The following SHISA9 variants were observed in gnomAD, a reference collection of about 807,000 sequenced individuals.
The protein encoded by SHISA9 is protein shisa-9.
A neutral mutation model predicts 38.0 loss-of-function variants in SHISA9; 13 were observed. The observed-to-expected ratio is 0.34, with a 90% CI of 0.22 to 0.54. The LOEUF is 0.54. SHISA9 is among the 20% of genes least tolerant of loss of function. The pLI, the probability that SHISA9 is intolerant of heterozygous loss-of-function variation, is 0.91. For missense variants in SHISA9, 538 were observed against 575.8 expected (o/e 0.93, Z 0.67); for synonymous variants, 275 against 242.0 (o/e 1.14, Z -1.27).
At chr16:12,927,052 C>T (rs964193276) in intron 2 of SHISA9, among the ~76,000 whole-genome samples, 10 of 152,244 alleles carry the variant, frequency 6.6e-5, no homozygotes, top group African/African-American at 2.4e-4. Flanking sequence ...AGTCAGCCTG[C>T]TGTTCCTTTA....
chr16:13,092,123 A>T (rs1327360392), intron 2 of SHISA9, among the ~76,000 whole-genome samples: 2 of 152,180 alleles, frequency 1.3e-5, no homozygotes, highest in Non-Finnish European at 2.9e-5. Flanking sequence ...CCTGGGTATC[A>T]CCACCAGAGG....
chr16:13,311,331 G>A, the SHISA9 span, among the ~76,000 whole-genome samples: 1 of 151,736 alleles, frequency 6.6e-6, no homozygotes, highest in Non-Finnish European at 1.5e-5. Flanking sequence ...TTCATCCTAC[G>A]CAATAACTGG....
intron 2 of SHISA9, among the ~76,000 whole-genome samples, chr16:13,136,483 C>A (rs903552806): frequency 1.4e-5 from 2 of 146,408 alleles, no homozygotes; most frequent in Non-Finnish European, 3.0e-5. Flanking sequence ...ACTGCAACCT[C>A]CACCTCCCAG....
chr16:13,428,457 A>T, the SHISA9 span, among the ~76,000 whole-genome samples: 2 of 152,156 alleles, frequency 1.3e-5, no homozygotes, highest in African/African-American at 4.8e-5. Context: ...GGTTTTATAG[A>T]CACAAACTCT....
intron 2 of SHISA9, among the ~76,000 whole-genome samples, chr16:13,031,027 C>G (rs10459770): frequency 0.054 from 8,197 of 152,194 alleles, 435 homozygotes; most frequent in East Asian, 0.18. Context: ...AAGCCTGAGC[C>G]CATATCTTCC....
chr16:13,491,680 G>A, the SHISA9 span, among the ~76,000 whole-genome samples: 3 of 151,514 alleles, frequency 2.0e-5, no homozygotes, highest in East Asian at 5.8e-4. Context: ...AGTAGAGTCG[G>A]GGTTTCATCA....
chr16:13,257,700 A>T, the SHISA9 span, among the ~76,000 whole-genome samples: 1 of 152,188 alleles, frequency 6.6e-6, no homozygotes, highest in Non-Finnish European at 1.5e-5. Flanking sequence ...ATGAGTGTCC[A>T]CCAGGGATCA....
At chr16:13,284,535 C>A in the SHISA9 span, among the ~76,000 whole-genome samples, 1 of 152,132 alleles carries the variant, frequency 6.6e-6, no homozygotes. Context: ...GATTTACCTG[C>A]TGATTACCTG....
At chr16:13,418,546 C>G in the SHISA9 span, among the ~76,000 whole-genome samples, 2 of 152,132 alleles carry the variant, frequency 1.3e-5, no homozygotes, top group Non-Finnish European at 2.9e-5. Context: ...TCCGTATGAC[C>G]ACATGGACTT....
chr16:13,371,693 T>A, the SHISA9 span, among the ~76,000 whole-genome samples: 2 of 152,256 alleles, frequency 1.3e-5, no homozygotes, highest in African/African-American at 4.8e-5. Flanking sequence ...TCTGAATACT[T>A]ATTTTGGCAT....
chr16:13,507,470 A>G, the SHISA9 span, among the ~76,000 whole-genome samples: 4 of 152,152 alleles, frequency 2.6e-5, no homozygotes. Flanking sequence ...AGCGTAGACA[A>G]GAATGACCTG....
At chr16:12,918,466 A>G (rs2071286192) in intron 2 of SHISA9, among the ~76,000 whole-genome samples, 1 of 152,190 alleles carries the variant, frequency 6.6e-6, no homozygotes, top group Non-Finnish European at 1.5e-5. Context: ...TCAGCACTCA[A>G]ATGAAATAAC....
intron 2 of SHISA9, among the ~76,000 whole-genome samples, chr16:13,055,447 T>C (rs892064722): frequency 2.0e-5 from 3 of 152,276 alleles, no homozygotes; most frequent in Admixed American, 6.5e-5. Context: ...ACCTAAGTAT[T>C]TGGGGTTGAA....
At chr16:12,973,914 A>G (rs947561603) in intron 2 of SHISA9, among the ~76,000 whole-genome samples, 1 of 152,212 alleles carries the variant, frequency 6.6e-6, no homozygotes, top group African/African-American at 2.4e-5. Flanking sequence ...GTATTCTTCA[A>G]GCACCCTTCT....
chr16:12,993,100 G>C (rs1164189776), intron 2 of SHISA9, among the ~76,000 whole-genome samples: 2 of 152,236 alleles, frequency 1.3e-5, no homozygotes, highest in East Asian at 3.8e-4. Context: ...TTCTCTAAAA[G>C]AGATGACAAG....
intron 2 of SHISA9, among the ~76,000 whole-genome samples, chr16:12,931,589 G>A (rs945271631): frequency 2.0e-5 from 3 of 152,164 alleles, no homozygotes; most frequent in Non-Finnish European, 4.4e-5. Flanking sequence ...GCCTCCAGCT[G>A]CATCCATGTT....
chr16:13,203,863 CCATCCATCCATCCAT>C (rs1436248238), intron 3 of SHISA9, among the ~76,000 whole-genome samples: 5 of 151,902 alleles, frequency 3.3e-5, no homozygotes, highest in African/African-American at 1.2e-4. Flanking sequence ...ATCTGTCTGT[CCATCCATCCATCCAT>C]CATCCATCCA....
chr16:13,045,378 T>C (rs2073175047), intron 2 of SHISA9, among the ~76,000 whole-genome samples: 1 of 152,172 alleles, frequency 6.6e-6, no homozygotes, highest in African/African-American at 2.4e-5. Context: ...GTGCAGGAAT[T>C]CTGTCTCCAG....
the SHISA9 span, among the ~76,000 whole-genome samples, chr16:13,295,784 C>G: frequency 7.9e-5 from 12 of 152,228 alleles, no homozygotes; most frequent in South Asian, 1.9e-3. Context: ...ATTTATCACA[C>G]AATGCAGTGG....
Sources: allele counts gnomAD v4.1 joint callset (sites outside exome capture counted in the v4.1 genomes callset), GRCh38; gene constraint gnomAD v4.1.1; transcripts MANE v1.5; gene names NCBI Gene and HGNC (gene_info 2026-07-23, HGNC 2026-07-21).